MGRN1: variants seen among roughly 807,000 people sequenced by gnomAD.
MGRN1 encodes mahogunin ring finger 1.
Under a neutral mutation model 69.2 loss-of-function variants are expected in MGRN1, and 29 were observed. The observed-to-expected ratio is 0.42, with a 90% confidence interval of 0.31 to 0.57. The LOEUF (loss-of-function observed/expected upper bound fraction) is 0.57. Among genes scored for constraint, MGRN1 ranks in the 20% least tolerant of loss-of-function variants. MGRN1 has a pLI of 0.15. For missense variants in MGRN1, 998 were observed against 796.2 expected (o/e 1.25, Z -3.05); for synonymous variants, 470 against 344.2 (o/e 1.37, Z -4.04).
At chr16:4,687,596 C>CAA in intron 16 of MGRN1, 3 of 984,752 alleles carry the variant, frequency 3.0e-6, no homozygotes, top group Non-Finnish European at 3.6e-6. Flanking sequence ...CACACACACA[C>CAA]ACACACACAC....
chr16:4,680,453 GC>G (rs1172568484), intron 12 of MGRN1: 1 of 268,146 alleles, frequency 3.7e-6, no homozygotes, highest in African/African-American at 2.3e-5. Flanking sequence ...ATGCTTCTTG[GC>G]CCCGTGTCCC....
At chr16:4,637,719 G>C (rs141752294) in intron 1 of MGRN1, among the ~76,000 whole-genome samples, 37 of 152,354 alleles carry the variant, frequency 2.4e-4, no homozygotes, top group African/African-American at 8.2e-4. Flanking sequence ...GCTCCGGCGT[G>C]TGTGAGGCCA....
At chr16:4,671,023 G>A (rs1425937846) in intron 8 of MGRN1, among the ~76,000 whole-genome samples, 1 of 152,238 alleles carries the variant, frequency 6.6e-6, no homozygotes, top group African/African-American at 2.4e-5. Context: ...AAAGCAGTGG[G>A]AACTTAGGCT....
intron 15 of MGRN1, among the ~76,000 whole-genome samples, 167 bp downstream of exon 15, chr16:4,683,436 T>C (rs1227013450): frequency 6.6e-6 from 1 of 152,140 alleles, no homozygotes. Context: ...TGGGAGGGAC[T>C]GAACGGGTGA....
chr16:4,635,678 A>G (rs561240419), intron 1 of MGRN1, among the ~76,000 whole-genome samples: 3 of 149,576 alleles, frequency 2.0e-5, no homozygotes, highest in Admixed American at 1.3e-4. Flanking sequence ...ACTGTCATCC[A>G]GGCTGGTGTG....
chr16:4,665,127 C>A lies in MGRN1; in HGVS notation c.654C>A (p.His218Gln), dbSNP rs375802956. The A allele has an allele frequency of 6.2e-7, 1 of 1,614,228 alleles. No individual in the cohort carries two copies. Among genetic ancestry groups the A allele is most frequent in the South Asian group, 1.1e-5 (1 of 91,088 alleles). Reference sequence around the variant, plus strand: ...TGGTGGAAGTGACTGGCCACGCCCACGTGCTCTTGGCTGCCTTTGAAAAGG... The same window carrying A: ...TGGTGGAAGTGACTGGCCACGCCCAAGTGCTCTTGGCTGCCTTTGAAAAGG... ...GDVVEVTGHA[H>Q]VLLAAFEKHM... Residue 218 changes from histidine to glutamine, a missense_variant, in exon 7 of 17, where the codon CAC becomes CAA. Coordinates refer to ENST00000262370, the MANE Select transcript of MGRN1 (RefSeq NM_015246.4).
chr16:4,674,779 T>C (rs1257176141), intron 10 of MGRN1, among the ~76,000 whole-genome samples: 31 of 150,292 alleles, frequency 2.1e-4, no homozygotes, highest in African/African-American at 7.6e-4. Context: ...TAGCTGGGAT[T>C]ACAGGCGCCC....
chr16:4,652,307 G>A (rs1183927241), intron 3 of MGRN1, among the ~76,000 whole-genome samples: 1 of 152,132 alleles, frequency 6.6e-6, no homozygotes, highest in Non-Finnish European at 1.5e-5. Context: ...GGGGTGCTTG[G>A]CATCTCAGGT....
rs1213671036 is a variant in MGRN1, at chr16:4,648,257, GCTCCTCCTCCC to G, written c.89-2107_89-2097del. Among the ~76,000 whole-genome samples, 11 of 151,758 alleles carry G rather than the reference GCTCCTCCTCCC, an allele frequency of 7.2e-5. 1 individual carries two copies. Among genetic ancestry groups the G allele is most frequent in the South Asian group, 2.1e-4 (1 of 4,798 alleles). Reference sequence around the variant, plus strand: ...CGGAGACTCTTCCCGTGGTCACCCGGCTCCTCCTCCCGGGGACTCTTCCCGTGGTCACCCGG... The same window carrying G: ...CGGAGACTCTTCCCGTGGTCACCCGGGGGGACTCTTCCCGTGGTCACCCGG... On this transcript the variant is annotated intron_variant, in intron 1 of 16. Transcript: ENST00000262370.
In MGRN1 at chr16:4,689,004, T is replaced by C; in HGVS notation, c.*96T>C. ...GTTGTGAGCCGGCCTCCTGTCTGCA[T>C]GCCCCCTGTGGCCACCAGGCTCCGA... On this transcript the variant is annotated 3_prime_UTR_variant, in exon 17 of 17. Transcript: ENST00000262370. The C allele has an allele frequency of 7.0e-7, 1 of 1,432,568 alleles. No homozygotes were observed. The allele number at this position is 1,432,568 out of a possible 1,614,324, so 88.7% of individuals were successfully genotyped here. A position where few individuals can be genotyped will look rare whatever the true frequency, so the allele number is the denominator to read the frequency against.
At chr16:4,655,305 G>A (rs1156796928) in intron 4 of MGRN1, among the ~76,000 whole-genome samples, 2 of 152,202 alleles carry the variant, frequency 1.3e-5, no homozygotes, top group African/African-American at 4.8e-5. Flanking sequence ...GGGTCCCGCT[G>A]CTACCAGAAA....
At chr16:4,682,696 G>A in intron 13 of MGRN1, 127 bp from the exon 14 acceptor site, 1 of 1,128,152 alleles carries the variant, frequency 8.9e-7, no homozygotes, top group Non-Finnish European at 1.2e-6. Context: ...CCTTCTCCAG[G>A]GAGTGTCCTT....
chr16:4,673,362 C>A, intron 9 of MGRN1, 136 bp from the exon 10 acceptor site: 1 of 1,195,524 alleles, frequency 8.4e-7, no homozygotes. Flanking sequence ...GCAACCTCCC[C>A]CTCCCCTCTG....
intron 5 of MGRN1, among the ~76,000 whole-genome samples, chr16:4,657,800 C>A (rs1234839863): frequency 7.8e-6 from 1 of 128,060 alleles, no homozygotes; most frequent in Non-Finnish European, 1.5e-5. Context: ...GGCTGCAGTG[C>A]AGTGGCGCGA....
At chr16:4,659,246 C>A (rs1031032390) in intron 5 of MGRN1, 1 of 152,270 alleles carries the variant, frequency 6.6e-6, no homozygotes, top group African/African-American at 2.4e-5. Context: ...TCTGTCCTCT[C>A]CCGGCATCAC....
chr16:4,671,873 C>T (rs1237010866), intron 9 of MGRN1, among the ~76,000 whole-genome samples: 2 of 152,184 alleles, frequency 1.3e-5, no homozygotes, highest in African/African-American at 4.8e-5. Context: ...TGGTGTACCC[C>T]AGTCAGGGAA....
rs766501072 is a variant in MGRN1 at position 4,657,285 on chromosome 16, C to A, written c.483C>A (p.Val161=). The change falls in exon 5 of 17, where the codon GTC becomes GTA. Residue 161 remains valine (V), a synonymous_variant. Coordinates refer to ENST00000262370, the MANE Select transcript of MGRN1 (RefSeq NM_015246.4). ...PKSPSLQSET[V]HYKRGVSQQF... is the part of the protein sequence containing the mutation. ...GCCCCTCGCTACAGTCCGAGACCGT[C>A]CACTACAAGAGAGGGGTGAGCCAGC... 1.2e-6 allele frequency: 2 copies of A among 1,614,184 alleles called. No individual in the cohort carries two copies. The highest frequency in any genetic ancestry group is 1.7e-6 in the Non-Finnish European group (2 of 1,179,996).
In MGRN1 at chr16:4,681,493, G is replaced by A. The variant is rs73521426; in HGVS notation, c.1132-57G>A. ...TGGACAGGAGGTCATCAGGAGGAGCGTCTGGGGAGCAGGTGGTCCCTGGGC... is the reference window on the plus strand; with the variant it reads ...TGGACAGGAGGTCATCAGGAGGAGCATCTGGGGAGCAGGTGGTCCCTGGGC... On this transcript the variant is annotated intron_variant, in intron 12 of 16. Coordinates refer to ENST00000262370, the MANE Select transcript of MGRN1 (RefSeq NM_015246.4). 2,849 of 1,514,640 alleles carry A rather than the reference G, an allele frequency of 1.9e-3. 41 individuals are homozygous for A. The African/African-American group carries it at 0.035, about 19-fold the overall frequency. 93.8% of individuals were successfully genotyped at this position (1,514,640 alleles called of 1,614,324 possible). A position where few individuals can be genotyped will look rare whatever the true frequency, so the allele number is the denominator to read the frequency against.
intron 16 of MGRN1, chr16:4,688,308 G>T (rs2079379903): frequency 1.0e-6 from 1 of 987,076 alleles, no homozygotes; most frequent in Admixed American, 6.1e-5. Flanking sequence ...GGCTCTGTGG[G>T]AGGCTCCTCT....
Sources: allele counts gnomAD v4.1 joint callset (sites outside exome capture counted in the v4.1 genomes callset), GRCh38; gene constraint gnomAD v4.1.1; transcripts MANE v1.5; gene names NCBI Gene and HGNC (gene_info 2026-07-23, HGNC 2026-07-21).